The following MSRA variants were observed in gnomAD, a reference collection of about 807,000 sequenced individuals.
The protein encoded by MSRA is mitochondrial peptide methionine sulfoxide reductase.
MSRA carries 54 observed loss-of-function variants against 31.3 expected under a neutral mutation model. That is an observed-to-expected ratio of 1.73 (90% CI 1.39 to 2.17). MSRA has a LOEUF of 2.17. Ranked by LOEUF, MSRA falls within the 30% of genes most tolerant of loss-of-function variation. MSRA has a pLI of 0.00. For synonymous variants in MSRA, 169 were observed against 116.5 expected (o/e 1.45, Z -2.90); for missense variants, 507 against 300.9 (o/e 1.69, Z -5.07).
At chr8:10,263,211 C>G (rs1240320297) in intron 3 of MSRA, among the ~76,000 whole-genome samples, 1 of 152,186 alleles carries the variant, frequency 6.6e-6, no homozygotes, top group African/African-American at 2.4e-5. Context: ...TGCTGTCACC[C>G]CCAAACGAAG....
In MSRA at chr8:10,324,418, C is replaced by T. The variant is rs113515843; in HGVS notation, c.543+4429C>T. ...CTCTCACTATGGCTTATCCCAAGAGCGGGACGGCCATGGAACATGGGACGG... is the reference window on the plus strand; with the variant it reads ...CTCTCACTATGGCTTATCCCAAGAGTGGGACGGCCATGGAACATGGGACGG... On this transcript the variant is annotated intron_variant, in intron 5 of 5. Coordinates refer to ENST00000317173, the MANE Select transcript of MSRA (RefSeq NM_012331.5). Among the ~76,000 whole-genome samples, 192 of 152,228 alleles carry T rather than the reference C, an allele frequency of 1.3e-3. 1 individual carries two copies. Among genetic ancestry groups the T allele is most frequent in the Middle Eastern group, 6.8e-3 (2 of 294 alleles).
At chr8:10,342,285 GT>G (rs1803477272) in intron 5 of MSRA, among the ~76,000 whole-genome samples, 1 of 152,016 alleles carries the variant, frequency 6.6e-6, no homozygotes, top group South Asian at 2.1e-4. Flanking sequence ...ATGAGCTTTT[GT>G]TTGATATTTA....
intron 1 of MSRA, among the ~76,000 whole-genome samples, chr8:10,141,326 C>T (rs980289461): frequency 5.9e-5 from 9 of 152,164 alleles, no homozygotes; most frequent in African/African-American, 2.2e-4. Context: ...GGAAGCAGAC[C>T]TAGAAAAGTT....
intron 1 of MSRA, among the ~76,000 whole-genome samples, chr8:10,114,025 A>G (rs925777927): frequency 1.3e-5 from 2 of 152,092 alleles, no homozygotes; most frequent in Admixed American, 6.5e-5. Flanking sequence ...GGATTTGTCT[A>G]TTCTGGACCT....
chr8:10,066,659 G>A (rs1797468737), intron 1 of MSRA, among the ~76,000 whole-genome samples: 1 of 152,032 alleles, frequency 6.6e-6, no homozygotes, highest in African/African-American at 2.4e-5. Flanking sequence ...TCAGCCTTCC[G>A]AGTAGATGGG....
chr8:10,141,811 A>C (rs772194658), intron 1 of MSRA, among the ~76,000 whole-genome samples: 7 of 152,010 alleles, frequency 4.6e-5, no homozygotes, highest in Non-Finnish European at 8.8e-5. Context: ...ACTTGGCAGC[A>C]GGTTTTTTGC....
At chr8:10,388,212 G>A (rs1237268662) in intron 5 of MSRA, among the ~76,000 whole-genome samples, 1 of 152,176 alleles carries the variant, frequency 6.6e-6, no homozygotes, top group Non-Finnish European at 1.5e-5. Flanking sequence ...AGAAGGTTAT[G>A]GGGGAGGCAA....
At chr8:10,182,756 C>G (rs1333282011) in intron 1 of MSRA, among the ~76,000 whole-genome samples, 2 of 152,102 alleles carry the variant, frequency 1.3e-5, no homozygotes, top group Non-Finnish European at 2.9e-5. Context: ...AGTTTTTTGT[C>G]ACATGGGCCT....
chr8:10,131,182 C>G (rs1021594948), intron 1 of MSRA, among the ~76,000 whole-genome samples: 1 of 152,198 alleles, frequency 6.6e-6, no homozygotes, highest in African/African-American at 2.4e-5. Context: ...TCTGTGGATT[C>G]TTCTCTCTGG....
chr8:10,106,087 G>A (rs954012334), intron 1 of MSRA, among the ~76,000 whole-genome samples: 2 of 152,216 alleles, frequency 1.3e-5, no homozygotes, highest in African/African-American at 2.4e-5. Flanking sequence ...GCACCACTGC[G>A]TGTCTGCTGA....
intron 4 of MSRA, among the ~76,000 whole-genome samples, chr8:10,306,287 G>A (rs1009691818): frequency 5.9e-5 from 9 of 152,180 alleles, no homozygotes; most frequent in Non-Finnish European, 1.3e-4. Flanking sequence ...ATGGTCTGAT[G>A]TAGGAATTAA....
intron 1 of MSRA, among the ~76,000 whole-genome samples, chr8:10,075,661 T>G (rs1797961980): frequency 6.6e-6 from 1 of 152,224 alleles, no homozygotes; most frequent in South Asian, 2.1e-4. Flanking sequence ...AAGACATTGT[T>G]TTATGTTCTA....
At chr8:10,257,383 G>T (rs1026379652) in intron 3 of MSRA, among the ~76,000 whole-genome samples, 2 of 152,200 alleles carry the variant, frequency 1.3e-5, no homozygotes, top group Admixed American at 6.5e-5. Context: ...TCTACTCTGT[G>T]TGTGTCCATA....
chr8:10,117,594 G>C (rs1468768965), intron 1 of MSRA, among the ~76,000 whole-genome samples: 1 of 152,162 alleles, frequency 6.6e-6, no homozygotes, highest in Non-Finnish European at 1.5e-5. Flanking sequence ...ATCAAATTAA[G>C]TATCTTTTAT....
At chr8:10,124,725 A>G (rs1255263046) in intron 1 of MSRA, among the ~76,000 whole-genome samples, 2 of 152,192 alleles carry the variant, frequency 1.3e-5, no homozygotes, top group Non-Finnish European at 2.9e-5. Flanking sequence ...CAAGAAATCT[A>G]TTATTCGAGG....
Position 10,169,529 on chromosome 8 carries a change from A to G in MSRA, c.143-38304A>G, listed in dbSNP as rs112567873. ...AACCATCAAACTTCGTGAAGAAAAC[A>G]TTGGCAAAAATCTCTGTGACTTTGT... On this transcript the variant is annotated intron_variant, in intron 1 of 5. Transcript: ENST00000317173. 2.6e-3 allele frequency among the ~76,000 whole-genome samples: 392 copies of G among 152,350 alleles called. 2 individuals are homozygous for G. Among genetic ancestry groups the G allele is most frequent in the African/African-American group, 9.1e-3 (377 of 41,592 alleles).
intron 5 of MSRA, among the ~76,000 whole-genome samples, chr8:10,398,997 C>G (rs1807276558): frequency 2.0e-5 from 3 of 152,170 alleles, no homozygotes. Flanking sequence ...AGCCCGAGGA[C>G]TGGGTTCGGC....
chr8:10,110,860 C>A (rs1800227494), intron 1 of MSRA, among the ~76,000 whole-genome samples: 1 of 152,178 alleles, frequency 6.6e-6, no homozygotes, highest in Admixed American at 6.5e-5. Context: ...TCACATATTT[C>A]AAAAATGACC....
rs200717545 is a variant in MSRA at position 10,184,017 on chromosome 8, T to G, written c.143-23816T>G. ...TCTTGGCTACTAGGTGGTGGTGGTG[T>G]TGGTGGTGTTGGTCTTGGTGGTGTT... On this transcript the variant is annotated intron_variant, in intron 1 of 5. Transcript: ENST00000317173. 6.6e-4 allele frequency among the ~76,000 whole-genome samples: 36 copies of G among 54,158 alleles called. No homozygotes were observed. In the South Asian group the frequency reaches 0.022, roughly 33 times the overall value. The allele number at this position is 54,158 out of a possible 152,430, so 35.5% of individuals were successfully genotyped here. A position where few individuals can be genotyped will look rare whatever the true frequency, so the allele number is the denominator to read the frequency against.
Sources: gnomAD v4.1 joint callset for allele counts (sites outside exome capture counted in the v4.1 genomes callset) on GRCh38, gnomAD v4.1.1 for gene constraint, MANE v1.5 for transcripts, NCBI Gene and HGNC (gene_info 2026-07-23, HGNC 2026-07-21) for gene names.